Variants in MACROD2 observed in about 807,000 individuals in gnomAD.
MACROD2 encodes the protein ADP-ribose glycohydrolase MACROD2.
A neutral mutation model predicts 70.4 loss-of-function variants in MACROD2; 36 were observed. That is an observed-to-expected ratio of 0.51 (90% confidence interval 0.39 to 0.68). MACROD2 has a LOEUF of 0.68. Ranked by LOEUF, MACROD2 falls within the 30% of genes least tolerant of loss-of-function variation. The pLI, the probability that MACROD2 is intolerant of heterozygous loss-of-function variation, is 0.00. For missense variants in MACROD2, 496 were observed against 538.4 expected (o/e 0.92, Z 0.78); for synonymous variants, 172 against 178.8 (o/e 0.96, Z 0.30).
chr20:15,303,999 A>T (rs1388330148), intron 6 of MACROD2, among the ~76,000 whole-genome samples: 1 of 152,188 alleles, frequency 6.6e-6, no homozygotes, highest in African/African-American at 2.4e-5. Context: ...TGTAATATTT[A>T]TTATTATAGT....
At chr20:14,370,573 A>G (rs898708868) in intron 3 of MACROD2, among the ~76,000 whole-genome samples, 1 of 152,198 alleles carries the variant, frequency 6.6e-6, no homozygotes, top group Non-Finnish European at 1.5e-5. Flanking sequence ...TTTCTGAACC[A>G]CTTATATCAA....
At chr20:14,150,168 G>A (rs373095880) in intron 3 of MACROD2, among the ~76,000 whole-genome samples, 52 of 151,814 alleles carry the variant, frequency 3.4e-4, no homozygotes, top group African/African-American at 1.2e-3. Context: ...TGGACCCTCT[G>A]ATTTTCTCAC....
chr20:15,346,777 G>A lies in MACROD2; in HGVS notation c.541-84628G>A, dbSNP rs76283017. Among the ~76,000 whole-genome samples, 1,398 of 152,232 alleles carry A rather than the reference G, an allele frequency of 9.2e-3. 37 individuals are homozygous for A. The highest frequency in any genetic ancestry group is 0.039 in the East Asian group (201 of 5,174). On this transcript the variant is annotated intron_variant, in intron 6 of 17. Coordinates refer to ENST00000684519, the MANE Select transcript of MACROD2 (RefSeq NM_001351661.2). ...AGAGGTTAATAGGTTAATTCTCTCC[G>A]TTTACGATGACTGTCCTAAGCTTTA...
At chr20:14,954,879 T>TATGTAATTAAATATATTATATAA in intron 5 of MACROD2, among the ~76,000 whole-genome samples, 1 of 75,842 alleles carries the variant, frequency 1.3e-5, no homozygotes, top group Non-Finnish European at 2.3e-5. Flanking sequence ...TATATAATTA[T>TATGTAATTAAATATATTATATAA]TTAATTATAT....
chr20:15,850,872 T>C (rs1019274604), intron 8 of MACROD2, among the ~76,000 whole-genome samples: 3 of 152,174 alleles, frequency 2.0e-5, no homozygotes, highest in Non-Finnish European at 4.4e-5. Context: ...TGACTTCAAG[T>C]GCTCTTTTAC....
intron 11 of MACROD2, among the ~76,000 whole-genome samples, chr20:15,934,666 GT>G (rs899247415): frequency 7.5e-4 from 113 of 151,420 alleles, no homozygotes; most frequent in Non-Finnish European, 1.1e-3. Flanking sequence ...GTCCCAAACT[GT>G]TTTTTTTGTT....
At chr20:14,027,072 C>T (rs1242151839) in intron 2 of MACROD2, among the ~76,000 whole-genome samples, 1 of 152,206 alleles carries the variant, frequency 6.6e-6, no homozygotes, top group Non-Finnish European at 1.5e-5. Flanking sequence ...TTGTTCCATT[C>T]TCCCTTCACT....
intron 3 of MACROD2, among the ~76,000 whole-genome samples, chr20:14,240,926 C>G (rs966030296): frequency 5.3e-5 from 8 of 152,088 alleles, no homozygotes; most frequent in Admixed American, 3.3e-4. Context: ...GTCAGGAATT[C>G]AAGATCAGCC....
At chr20:15,327,721 A>G (rs1393512500) in intron 6 of MACROD2, among the ~76,000 whole-genome samples, 2 of 151,930 alleles carry the variant, frequency 1.3e-5, no homozygotes. Flanking sequence ...ACTGCCCCCT[A>G]CTTCTGCTGT....
chr20:15,651,463 T>C (rs2049641585), intron 8 of MACROD2, among the ~76,000 whole-genome samples: 1 of 152,212 alleles, frequency 6.6e-6, no homozygotes, highest in East Asian at 1.9e-4. Flanking sequence ...ATCAGGTTTG[T>C]ACCAAACACC....
At chr20:15,582,150 AG>A (rs1321741063) in intron 8 of MACROD2, among the ~76,000 whole-genome samples, 1 of 149,654 alleles carries the variant, frequency 6.7e-6, no homozygotes, top group Non-Finnish European at 1.5e-5. Flanking sequence ...TGCCACTGCC[AG>A]GGTGGAGAAG....
At chr20:15,658,659 C>T (rs2049770194) in intron 8 of MACROD2, among the ~76,000 whole-genome samples, 1 of 152,192 alleles carries the variant, frequency 6.6e-6, no homozygotes, top group Non-Finnish European at 1.5e-5. Context: ...GCTACCCAAC[C>T]CACTAGCCCC....
chr20:15,083,988 A>G (rs439150), intron 5 of MACROD2, among the ~76,000 whole-genome samples: 96,196 of 151,528 alleles, frequency 0.63, 30,840 homozygotes, highest in East Asian at 0.73. Flanking sequence ...TCATTATAGG[A>G]GGTGCAAGGG....
At chr20:14,327,187 T>G in intron 3 of MACROD2, 1 of 1,613,682 alleles carries the variant, frequency 6.2e-7, no homozygotes, top group East Asian at 2.2e-5. Flanking sequence ...ATGTAACTCT[T>G]TTACATACTT....
intron 11 of MACROD2, among the ~76,000 whole-genome samples, chr20:15,936,946 G>A (rs1419211195): frequency 6.6e-6 from 1 of 152,088 alleles, no homozygotes; most frequent in Admixed American, 6.6e-5. Flanking sequence ...TGACATGAAA[G>A]TTCCTGGTGG....
chr20:14,020,800 A>G (rs1233844033), intron 2 of MACROD2, among the ~76,000 whole-genome samples: 3 of 152,156 alleles, frequency 2.0e-5, no homozygotes, highest in South Asian at 2.1e-4. Flanking sequence ...CTTAAGTTAC[A>G]GAGATTTCCT....
intron 6 of MACROD2, among the ~76,000 whole-genome samples, chr20:15,365,189 T>G (rs145840863): frequency 6.6e-6 from 1 of 152,118 alleles, no homozygotes; most frequent in African/African-American, 2.4e-5. Context: ...GGTCAGAAAT[T>G]TAAGGCAGAT....
At chr20:15,589,343 T>C (rs931447240) in intron 8 of MACROD2, among the ~76,000 whole-genome samples, 1 of 152,218 alleles carries the variant, frequency 6.6e-6, no homozygotes, top group Non-Finnish European at 1.5e-5. Flanking sequence ...CAAATATCAA[T>C]ATAAATTTTA....
chr20:15,967,388 G>A (rs927147906), intron 12 of MACROD2, among the ~76,000 whole-genome samples, 165 bp from the exon 13 acceptor site: 1 of 151,914 alleles, frequency 6.6e-6, no homozygotes, highest in Non-Finnish European at 1.5e-5. Flanking sequence ...AGTATGGGGG[G>A]AAAAAAAGCG....
Sources: allele counts gnomAD v4.1 joint callset (sites outside exome capture counted in the v4.1 genomes callset), GRCh38; gene constraint gnomAD v4.1.1; transcripts MANE v1.5; gene names NCBI Gene and HGNC (gene_info 2026-07-23, HGNC 2026-07-21).